PAG1: variants seen among roughly 807,000 people sequenced by gnomAD.
PAG1 encodes phosphoprotein membrane anchor with glycosphingolipid microdomains 1.
PAG1 carries 23 observed loss-of-function variants against 31.7 expected under a neutral mutation model. That is an observed-to-expected ratio of 0.73 (90% CI 0.52 to 1.03). PAG1 has a LOEUF of 1.03. PAG1 is among the 50% of genes least tolerant of loss of function. The pLI is 0.00. For synonymous variants in PAG1, 214 were observed against 210.3 expected (o/e 1.02, Z -0.15); for missense variants, 473 against 540.7 (o/e 0.87, Z 1.24).
At chr8:81,078,570 A>G (rs1469398925) in intron 1 of PAG1, among the ~76,000 whole-genome samples, 1 of 152,162 alleles carries the variant, frequency 6.6e-6, no homozygotes, top group African/African-American at 2.4e-5. Flanking sequence ...AGGGTCTCAA[A>G]TGCAGGCAAT....
rs186764698 is a variant in PAG1, at chr8:81,073,484, G to A, written c.-233-3314C>T. ...AAATTCAGCATATTCAGGTCCAAAAGTATCCCTGAACAGGGATCTTCCTTA... is the reference window on the plus strand; with the variant it reads ...AAATTCAGCATATTCAGGTCCAAAAATATCCCTGAACAGGGATCTTCCTTA... On this transcript the variant is annotated intron_variant, in intron 1 of 8. Coordinates refer to ENST00000220597, the MANE Select transcript of PAG1 (RefSeq NM_018440.4). Among the ~76,000 whole-genome samples the A allele has an allele frequency of 6.3e-3, 957 of 152,320 alleles. 4 individuals are homozygous for A. The highest frequency in any genetic ancestry group is 0.01 in the Non-Finnish European group (714 of 68,022).
At chr8:81,075,344 A>G (rs2130990504) in intron 1 of PAG1, among the ~76,000 whole-genome samples, 1 of 152,356 alleles carries the variant, frequency 6.6e-6, no homozygotes, top group Non-Finnish European at 1.5e-5. Flanking sequence ...ATGAAAGATG[A>G]GGTTGAGTCT....
At chr8:81,064,225 G>A (rs960853839) in intron 2 of PAG1, among the ~76,000 whole-genome samples, 1 of 152,216 alleles carries the variant, frequency 6.6e-6, no homozygotes. Flanking sequence ...GGATGTTTTC[G>A]GGATGAAACT....
intron 3 of PAG1, among the ~76,000 whole-genome samples, chr8:81,016,947 C>T (rs1009979165): frequency 6.6e-6 from 1 of 152,302 alleles, no homozygotes; most frequent in East Asian, 1.9e-4. Context: ...AGGAACAGAG[C>T]TTGGTCAGCC....
intron 3 of PAG1, among the ~76,000 whole-genome samples, chr8:80,997,692 C>A (rs1487775237): frequency 6.6e-6 from 1 of 152,134 alleles, no homozygotes; most frequent in African/African-American, 2.4e-5. Context: ...CACCTGAATG[C>A]TGTACTAAGA....
intron 1 of PAG1, 113 bp from the exon 2 acceptor site, chr8:81,070,283 C>T (rs948227147): frequency 6.6e-6 from 1 of 152,150 alleles, no homozygotes; most frequent in East Asian, 1.9e-4. Flanking sequence ...ATTTGGCCAA[C>T]AGTAAGCAAC....
chr8:81,071,772 TAAGAGGAGTATGA>T (rs1184253434), intron 1 of PAG1, among the ~76,000 whole-genome samples: 2 of 152,126 alleles, frequency 1.3e-5, no homozygotes, highest in Non-Finnish European at 2.9e-5. Flanking sequence ...ACGCAAGGGA[TAAGAGGAGTATGA>T]ACAGGTTGTG....
chr8:81,011,290 G>A (rs146699436), intron 3 of PAG1, among the ~76,000 whole-genome samples: 70 of 152,236 alleles, frequency 4.6e-4, no homozygotes, highest in Admixed American at 7.2e-4. Context: ...GAGACCTGGC[G>A]GGAGATAACT....
At chr8:81,039,018 C>T (rs1043714038) in intron 2 of PAG1, among the ~76,000 whole-genome samples, 2 of 152,076 alleles carry the variant, frequency 1.3e-5, no homozygotes, top group East Asian at 3.9e-4. Flanking sequence ...AGTTAAGTGC[C>T]CAGTAAATGT....
Position 81,042,220 on chromosome 8 carries a change from T to A in PAG1, c.-174-12131A>T, listed in dbSNP as rs540574787. ...TCAGAGTGTCATAGAAAACAGAGTC[T>A]ATGCCTCACCAGTCAAGGCTCTTGC... On this transcript the variant is annotated intron_variant, in intron 2 of 8. Transcript: ENST00000220597. Among the ~76,000 whole-genome samples, 9 of 152,314 alleles carry A rather than the reference T, an allele frequency of 5.9e-5. No homozygotes were observed. In the South Asian group the frequency reaches 1.9e-3, roughly 32 times the overall value.
rs1807053023 is a variant in PAG1 at position 80,970,418 on chromosome 8, T to C, written c.*6126A>G. On this transcript the variant is annotated 3_prime_UTR_variant, in exon 9 of 9. Transcript: ENST00000220597. The stretch of plus-strand genomic sequence containing the variant: ...TGAGCCACTGCACCCGGCCTAAAAA[T>C]GATTACTTCTTATAAAAAGGATTTC... The C allele has an allele frequency of 6.5e-6, 1 of 152,730 alleles. No individual in the cohort carries two copies. Among genetic ancestry groups the C allele is most frequent in the African/African-American group, 2.4e-5 (1 of 41,448 alleles). The allele number at this position is 152,730 out of a possible 1,614,324, so 9.5% of individuals were successfully genotyped here.
intron 2 of PAG1, among the ~76,000 whole-genome samples, chr8:81,054,724 T>G (rs952608570): frequency 6.6e-6 from 1 of 152,042 alleles, no homozygotes; most frequent in African/African-American, 2.4e-5. Flanking sequence ...ATCCTCAGAA[T>G]GAGATACTAT....
intron 3 of PAG1, among the ~76,000 whole-genome samples, chr8:81,027,457 C>A (rs1386589189): frequency 1.3e-5 from 2 of 152,174 alleles, no homozygotes; most frequent in Non-Finnish European, 2.9e-5. Context: ...GCTTTTGTTA[C>A]ATAAGATTAA....
chr8:80,988,147 A>G (rs1807464664), intron 5 of PAG1, among the ~76,000 whole-genome samples: 1 of 151,726 alleles, frequency 6.6e-6, no homozygotes, highest in Non-Finnish European at 1.5e-5. Flanking sequence ...GGTGACCTAC[A>G]CAGGGCTATA....
intron 2 of PAG1, among the ~76,000 whole-genome samples, chr8:81,038,107 A>C (rs1467757912): frequency 1.3e-5 from 2 of 152,154 alleles, no homozygotes; most frequent in Non-Finnish European, 2.9e-5. Flanking sequence ...GGATCACTCA[A>C]GGGGTTATGG....
chr8:81,013,197 T>C (rs1354321009), intron 3 of PAG1, among the ~76,000 whole-genome samples: 2 of 152,196 alleles, frequency 1.3e-5, no homozygotes, highest in Non-Finnish European at 2.9e-5. Flanking sequence ...TGAAATACCA[T>C]AGTTGTTTAA....
intron 2 of PAG1, among the ~76,000 whole-genome samples, chr8:81,041,618 T>C (rs1165249929): frequency 1.3e-5 from 2 of 152,212 alleles, no homozygotes; most frequent in Non-Finnish European, 2.9e-5. Flanking sequence ...AGTAAACATA[T>C]CACTGAATGA....
intron 1 of PAG1, among the ~76,000 whole-genome samples, chr8:81,086,517 G>A (rs1563425616): frequency 6.6e-6 from 1 of 152,000 alleles, no homozygotes; most frequent in South Asian, 2.1e-4. Flanking sequence ...GCGCGCGTGT[G>A]TGTGTGTGTG....
At chr8:81,053,740 T>C (rs138509542) in intron 2 of PAG1, among the ~76,000 whole-genome samples, 2,671 of 152,220 alleles carry the variant, frequency 0.018, 82 homozygotes, top group African/African-American at 0.06. Context: ...GATTTCAGGG[T>C]GGGAAATGGA....
Sources: gnomAD v4.1 joint callset for allele counts (sites outside exome capture counted in the v4.1 genomes callset) on GRCh38, gnomAD v4.1.1 for gene constraint, MANE v1.5 for transcripts, NCBI Gene and HGNC (gene_info 2026-07-23, HGNC 2026-07-21) for gene names.